RANBP9: variants seen among roughly 807,000 people sequenced by gnomAD.
RANBP9 encodes ran-binding protein 9.
RANBP9 carries 15 observed loss-of-function variants against 84.3 expected under a neutral mutation model. That is an observed-to-expected ratio of 0.18 (90% CI 0.12 to 0.27). The LOEUF is 0.27. Ranked by LOEUF, RANBP9 falls within the 10% of genes least tolerant of loss-of-function variation. RANBP9 has a pLI of 1.00. For synonymous variants in RANBP9, 392 were observed against 349.6 expected, an observed-to-expected ratio of 1.12 and a Z score of -1.35; for missense variants, 809 against 912.8, an observed-to-expected ratio of 0.89 and a Z score of 1.46.
At chr6:13,643,469 G>A (rs1321672860) in intron 6 of RANBP9, among the ~76,000 whole-genome samples, 1 of 152,160 alleles carries the variant, frequency 6.6e-6, no homozygotes, top group Non-Finnish European at 1.5e-5. Context: ...GAGGCAAAGA[G>A]CGGAGGGAGA....
chr6:13,696,748 A>G, intron 2 of RANBP9, 37 bp downstream of exon 2: 1 of 1,533,588 alleles, frequency 6.5e-7, no homozygotes, highest in Non-Finnish European at 8.9e-7. Flanking sequence ...AAAACAAAAA[A>G]ACTAGCAAAC....
At chr6:13,635,571 G>C (rs994169874) in intron 10 of RANBP9, among the ~76,000 whole-genome samples, 5 of 151,654 alleles carry the variant, frequency 3.3e-5, no homozygotes, top group Admixed American at 3.3e-4. Context: ...AACACCTTGG[G>C]GGTGTGTGTG....
chr6:13,694,229 T>C (rs1490427680), intron 2 of RANBP9, among the ~76,000 whole-genome samples: 2 of 152,212 alleles, frequency 1.3e-5, no homozygotes, highest in African/African-American at 4.8e-5. Flanking sequence ...ATATACATGT[T>C]TACAGTTCCA....
chr6:13,642,694 C>T, intron 6 of RANBP9, 103 bp from the exon 7 acceptor site: 2 of 674,544 alleles, frequency 3.0e-6, no homozygotes, highest in South Asian at 5.4e-5. Flanking sequence ...TAAAAACGAA[C>T]CTATTTCCTT....
chr6:13,632,144 T>G (rs2127761468), intron 12 of RANBP9, among the ~76,000 whole-genome samples: 3 of 82,898 alleles, frequency 3.6e-5, no homozygotes, highest in South Asian at 3.8e-4. Flanking sequence ...TTTTTTTTTT[T>G]TTTTTTTTTT....
intron 2 of RANBP9, among the ~76,000 whole-genome samples, chr6:13,692,527 CAAAAAAAA>C (rs61237158): frequency 2.4e-3 from 68 of 28,728 alleles, no homozygotes; most frequent in Middle Eastern, 0.042. Flanking sequence ...AACTCCGTCT[CAAAAAAAA>C]AAAAAAAAAA....
chr6:13,671,527 TAAAG>T (rs966422425), intron 2 of RANBP9, among the ~76,000 whole-genome samples: 14 of 152,146 alleles, frequency 9.2e-5, no homozygotes, highest in African/African-American at 3.4e-4. Context: ...CATGTTAAGA[TAAAG>T]AAGTCAGAAA....
chr6:13,670,230 T>C (rs954666237), intron 2 of RANBP9, among the ~76,000 whole-genome samples: 1 of 150,758 alleles, frequency 6.6e-6, no homozygotes, highest in Non-Finnish European at 1.5e-5. Context: ...GAGGCGGAGG[T>C]TGCAGTGAAC....
At chr6:13,689,832 C>T (rs1766282308) in intron 2 of RANBP9, among the ~76,000 whole-genome samples, 1 of 152,204 alleles carries the variant, frequency 6.6e-6, no homozygotes, top group Non-Finnish European at 1.5e-5. Flanking sequence ...TACATGGTCT[C>T]ATTTCTAAGT....
At chr6:13,641,730 A>G (rs1765068724) in intron 7 of RANBP9, among the ~76,000 whole-genome samples, 1 of 152,170 alleles carries the variant, frequency 6.6e-6, no homozygotes, top group Admixed American at 6.6e-5. Flanking sequence ...TTGATCTGTT[A>G]TATGTTAAAT....
chr6:13,655,365 G>T (rs572496135), intron 4 of RANBP9, among the ~76,000 whole-genome samples: 2 of 152,292 alleles, frequency 1.3e-5, no homozygotes, highest in South Asian at 4.1e-4. Context: ...AGCTATTCAG[G>T]AGGCTGGGGA....
At chr6:13,632,697 C>T (rs983476057) in intron 11 of RANBP9, 176 bp from the exon 12 acceptor site, 1 of 620,040 alleles carries the variant, frequency 1.6e-6, no homozygotes, top group South Asian at 2.1e-5. Context: ...AAAAGATATA[C>T]TTTATTTAGC....
At chr6:13,685,550 T>C (rs922409878) in intron 2 of RANBP9, among the ~76,000 whole-genome samples, 2 of 152,104 alleles carry the variant, frequency 1.3e-5, no homozygotes, top group African/African-American at 4.8e-5. Context: ...GCCACTGCAC[T>C]ACAGCCTGGG....
chr6:13,625,465 T>G (rs1055341665), intron 13 of RANBP9, among the ~76,000 whole-genome samples, 188 bp downstream of exon 13: 5 of 152,216 alleles, frequency 3.3e-5, no homozygotes, highest in African/African-American at 9.6e-5. Flanking sequence ...ACTGTTTTTA[T>G]TCTATTTAAA....
intron 2 of RANBP9, among the ~76,000 whole-genome samples, chr6:13,675,293 G>C (rs1398002778): frequency 6.6e-6 from 1 of 152,084 alleles, no homozygotes; most frequent in East Asian, 1.9e-4. Flanking sequence ...CTTAACTAAA[G>C]TCATACAAAC....
At chr6:13,701,675 C>T (rs935616917) in intron 1 of RANBP9, among the ~76,000 whole-genome samples, 3 of 151,444 alleles carry the variant, frequency 2.0e-5, no homozygotes, top group African/African-American at 4.9e-5. Context: ...GAGGCTGAGG[C>T]GGAAGAATGG....
intron 1 of RANBP9, among the ~76,000 whole-genome samples, chr6:13,708,486 G>A (rs902419993): frequency 8.6e-5 from 13 of 151,936 alleles, no homozygotes; most frequent in Admixed American, 5.9e-4. Context: ...TGGAGCAAAA[G>A]AAAGCAAAAT....
intron 4 of RANBP9, among the ~76,000 whole-genome samples, chr6:13,655,443 G>A (rs1765377056): frequency 6.6e-6 from 1 of 152,054 alleles, no homozygotes; most frequent in Non-Finnish European, 1.5e-5. Context: ...CTCCTGCCTT[G>A]GCGACAGAAG....
intron 1 of RANBP9, among the ~76,000 whole-genome samples, chr6:13,697,696 C>T (rs188696191): frequency 2.4e-3 from 361 of 152,004 alleles, no homozygotes; most frequent in African/African-American, 8.0e-3. Context: ...AGCATGTAGA[C>T]AATATTAAGA....
Sources: allele counts gnomAD v4.1 joint callset (sites outside exome capture counted in the v4.1 genomes callset), GRCh38; gene constraint gnomAD v4.1.1; transcripts MANE v1.5; gene names NCBI Gene and HGNC (gene_info 2026-07-23, HGNC 2026-07-21).